The following ARHGEF33 variants were observed in gnomAD, a reference collection of about 807,000 sequenced individuals.
The protein encoded by ARHGEF33 is Rho guanine nucleotide exchange factor 33.
In ARHGEF33, 72 loss-of-function variants were observed where a neutral mutation model predicts 101.9. The observed-to-expected ratio is 0.71, with a 90% confidence interval of 0.58 to 0.86. ARHGEF33 has a LOEUF of 0.86. Among genes scored for constraint, ARHGEF33 ranks in the 40% least tolerant of loss-of-function variants. ARHGEF33 has a pLI of 0.00. For synonymous variants in ARHGEF33, 499 were observed against 442.5 expected (o/e 1.13, Z -1.60); for missense variants, 1,169 against 1,111.3 (o/e 1.05, Z -0.74).
At chr2:38,900,343 G>A (rs1225317696) in intron 2 of ARHGEF33, among the ~76,000 whole-genome samples, 1 of 152,146 alleles carries the variant, frequency 6.6e-6, no homozygotes, top group Non-Finnish European at 1.5e-5. Flanking sequence ...AGAAAGAGGT[G>A]CTTGAACTGA....
chr2:38,914,189 G>T (rs1047600520), intron 2 of ARHGEF33, among the ~76,000 whole-genome samples: 1 of 152,138 alleles, frequency 6.6e-6, no homozygotes, highest in Admixed American at 6.5e-5. Flanking sequence ...TTGGAAAGCA[G>T]CCTAGCCACA....
rs1429158834 is a variant in ARHGEF33 at position 38,937,510 on chromosome 2, G to C, written c.741G>C (p.Gln247His). 2 of 1,550,964 alleles carry C rather than the reference G, an allele frequency of 1.3e-6. No homozygotes were observed. Among genetic ancestry groups the C allele is most frequent in the East Asian group, 4.9e-5 (2 of 40,906 alleles). ...DHPDKLKEAG[Q>H]GRHSSLENVL... ...CAGATAAACTCAAGGAGGCTGGCCA[G>C]GGTAGACACAGCTCCTTGGAAAACG... The change falls in exon 9 of 18, where the codon CAG becomes CAC. Residue 247 changes from glutamine to histidine, a missense_variant. Physicochemically the swap from Gln to His is conservative, Grantham distance 24. Coordinates refer to ENST00000409978, the MANE Select transcript of ARHGEF33 (RefSeq NM_001145451.5).
intron 4 of ARHGEF33, among the ~76,000 whole-genome samples, chr2:38,924,962 G>A (rs1305838303): frequency 6.6e-6 from 1 of 152,124 alleles, no homozygotes; most frequent in Non-Finnish European, 1.5e-5. Flanking sequence ...AAAAGAGAAT[G>A]GGTAGGTAAA....
At chr2:38,892,629 A>C (rs1666030303) in intron 1 of ARHGEF33, among the ~76,000 whole-genome samples, 1 of 152,202 alleles carries the variant, frequency 6.6e-6, no homozygotes, top group African/African-American at 2.4e-5. Flanking sequence ...TGTAGAACCA[A>C]GTTCATTATT....
In ARHGEF33 at chr2:38,900,606, T is replaced by G. The variant is rs140527512; in HGVS notation, c.-86+4757T>G. Among the ~76,000 whole-genome samples, 61 of 152,280 alleles carry G rather than the reference T, an allele frequency of 4.0e-4. 1 individual carries two copies. In the East Asian group the frequency reaches 6.9e-3, roughly 17 times the overall value. On this transcript the variant is annotated intron_variant, in intron 2 of 17. Transcript: ENST00000409978. ...AGTAGCAAAATCATATCAACCAATG[T>G]CTAATTGGCTACAGGGACACACCAG...
rs180897113 is a variant in ARHGEF33, at chr2:38,951,819, A to T, written c.1053+698A>T. Reference sequence around the variant, plus strand: ...AATTTTCATTCCTTGGAGATTTTTTAAAAAATGTGATGGGTGGCTATTATC... The same window carrying T: ...AATTTTCATTCCTTGGAGATTTTTTTAAAAATGTGATGGGTGGCTATTATC... On this transcript the variant is annotated intron_variant, in intron 11 of 17. Transcript: ENST00000409978. Among the ~76,000 whole-genome samples, 270 of 152,178 alleles carry T rather than the reference A, an allele frequency of 1.8e-3. 2 individuals are homozygous for T. The highest frequency in any genetic ancestry group is 5.6e-3 in the African/African-American group (234 of 41,518).
Position 38,973,866 on chromosome 2 carries a change from C to T in ARHGEF33, c.*23C>T. 6.5e-7 allele frequency: 1 copy of T among 1,531,080 alleles called. No homozygotes were observed. Among genetic ancestry groups the T allele is most frequent in the South Asian group, 1.2e-5 (1 of 81,574 alleles). The allele number at this position is 1,531,080 out of a possible 1,614,324, so 94.8% of individuals were successfully genotyped here. A position where few individuals can be genotyped will look rare whatever the true frequency, so the allele number is the denominator to read the frequency against. ...TAAAACATACTTAAAGTTGTATTGT[C>T]AAGTGGTAAGATGAGGATAAAAAGC... On this transcript the variant is annotated 3_prime_UTR_variant, in exon 18 of 18. Transcript: ENST00000409978.
At chr2:38,959,462 C>T (rs941455218) in intron 15 of ARHGEF33, 1 of 177,954 alleles carries the variant, frequency 5.6e-6, no homozygotes, top group Admixed American at 6.2e-5. Context: ...ACAAGTCGAA[C>T]AGAAGTTGAG....
At chr2:38,972,542 A>G (rs10202876) in intron 17 of ARHGEF33, among the ~76,000 whole-genome samples, 6,548 of 152,320 alleles carry the variant, frequency 0.043, 531 homozygotes, top group African/African-American at 0.15. Flanking sequence ...ATTGAATATC[A>G]GAGGGCAAAG....
intron 17 of ARHGEF33, 40 bp from the exon 18 acceptor site, chr2:38,973,674 C>T (rs1320911230): frequency 2.1e-6 from 3 of 1,442,360 alleles, no homozygotes; most frequent in Non-Finnish European, 2.7e-6. Context: ...ACAATTAAAA[C>T]CAAATCAACC....
chr2:38,959,980 T>C lies in ARHGEF33; in HGVS notation c.1675T>C (p.Cys559Arg). The C allele has an allele frequency of 6.4e-7, 1 of 1,550,926 alleles. No homozygotes were observed. Among genetic ancestry groups the C allele is most frequent in the Non-Finnish European group, 8.7e-7 (1 of 1,146,718 alleles). The part of the protein sequence containing the change: ...PESLLAPTQF[C>R]AAEQDVKALA... ...GAGCCTTCTGGCACCGACGCAGTTC[T>C]GCGCGGCCGAGCAGGACGTGAAGGC... Residue 559 changes from cysteine (C) to arginine (R), a missense_variant, in exon 16 of 18, where the codon TGC becomes CGC. Physicochemically the swap from Cys to Arg is radical, Grantham distance 180. Transcript: ENST00000409978.
intron 10 of ARHGEF33, among the ~76,000 whole-genome samples, chr2:38,950,646 C>T (rs1347822381): frequency 2.0e-5 from 3 of 152,130 alleles, no homozygotes; most frequent in Non-Finnish European, 4.4e-5. Context: ...GATGGGGTTT[C>T]ACCATGTTGG....
intron 2 of ARHGEF33, among the ~76,000 whole-genome samples, chr2:38,918,118 G>A (rs114010408): frequency 6.6e-6 from 1 of 152,298 alleles, no homozygotes; most frequent in African/African-American, 2.4e-5. Context: ...CTGGGAGGCT[G>A]GAGAATCGAG....
intron 7 of ARHGEF33, 178 bp downstream of exon 7, chr2:38,931,429 A>G (rs1397374411): frequency 1.9e-6 from 1 of 527,932 alleles, no homozygotes; most frequent in East Asian, 3.1e-5. Flanking sequence ...AAGAGTGCCC[A>G]GTTTTAAATA....
intron 5 of ARHGEF33, 36 bp from the exon 6 acceptor site, chr2:38,929,673 G>A: frequency 6.5e-7 from 1 of 1,538,572 alleles, no homozygotes; most frequent in Non-Finnish European, 8.8e-7. Context: ...TTTACCCCAT[G>A]TACCACGTTA....
intron 1 of ARHGEF33, among the ~76,000 whole-genome samples, chr2:38,891,655 T>G (rs1033852654): frequency 6.6e-6 from 1 of 152,214 alleles, no homozygotes; most frequent in Non-Finnish European, 1.5e-5. Context: ...GTTTGGATTT[T>G]TATAAATGTA....
intron 7 of ARHGEF33, among the ~76,000 whole-genome samples, chr2:38,932,159 G>C (rs1667019878): frequency 6.6e-6 from 1 of 152,008 alleles, no homozygotes; most frequent in Non-Finnish European, 1.5e-5. Flanking sequence ...GTCTCGCTCT[G>C]TCACCCAGGC....
At chr2:38,933,383 T>C (rs1042706573) in intron 7 of ARHGEF33, among the ~76,000 whole-genome samples, 13 of 144,568 alleles carry the variant, frequency 9.0e-5, no homozygotes, top group Non-Finnish European at 3.0e-5. Flanking sequence ...TTTTGTTTTG[T>C]TTTTTTTTTC....
chr2:38,950,296 A>C (rs1052722943), intron 10 of ARHGEF33, among the ~76,000 whole-genome samples: 3 of 152,234 alleles, frequency 2.0e-5, no homozygotes, highest in African/African-American at 7.2e-5. Flanking sequence ...TCAGTGCTGC[A>C]TCTACAACAC....
Sources: gnomAD v4.1 joint callset for allele counts (sites outside exome capture counted in the v4.1 genomes callset) on GRCh38, gnomAD v4.1.1 for gene constraint, MANE v1.5 for transcripts, NCBI Gene and HGNC (gene_info 2026-07-23, HGNC 2026-07-21) for gene names.